Variants in ACBD6 observed in about 807,000 individuals in gnomAD.
ACBD6 encodes acyl-CoA-binding domain-containing protein 6.
A neutral mutation model predicts 37.2 loss-of-function variants in ACBD6; 28 were observed. The observed-to-expected ratio is 0.75, with a 90% CI of 0.56 to 1.03. The LOEUF (loss-of-function observed/expected upper bound fraction) is 1.03, where lower values mean the gene tolerates loss of function less well. Among genes scored for constraint, ACBD6 ranks in the 50% least tolerant of loss-of-function variants. ACBD6 has a pLI of 0.00. For missense variants in ACBD6, 340 were observed against 337.4 expected, an observed-to-expected ratio of 1.01 and a Z score of -0.06; for synonymous variants, 113 against 126.8, an observed-to-expected ratio of 0.89 and a Z score of 0.73.
chr1:180,325,206 T>C (rs1651208124), intron 6 of ACBD6, among the ~76,000 whole-genome samples: 1 of 152,168 alleles, frequency 6.6e-6, no homozygotes, highest in Admixed American at 6.5e-5. Flanking sequence ...TTTCTCGATC[T>C]CCTCCTTAAG....
chr1:180,296,302 T>C (rs1649915000), intron 7 of ACBD6, among the ~76,000 whole-genome samples: 1 of 152,148 alleles, frequency 6.6e-6, no homozygotes, highest in Non-Finnish European at 1.5e-5. Context: ...TGAAGGAAAG[T>C]TGTCTCCATA....
chr1:180,408,663 TATA>T (rs796372765), intron 5 of ACBD6, among the ~76,000 whole-genome samples: 17 of 151,946 alleles, frequency 1.1e-4, no homozygotes, highest in African/African-American at 3.9e-4. Flanking sequence ...AAACTTAAAG[TATA>T]ATAATAATAA....
chr1:180,275,821 G>A (rs549370365), intron 9 of ACBD6: 1 of 152,428 alleles, frequency 6.6e-6, no homozygotes, highest in South Asian at 2.1e-4. Context: ...CCCATGGTCA[G>A]AAAGCCAGAA....
chr1:180,297,946 T>C (rs1259894709), intron 7 of ACBD6, among the ~76,000 whole-genome samples: 1 of 152,192 alleles, frequency 6.6e-6, no homozygotes, highest in East Asian at 1.9e-4. Flanking sequence ...GGTTTCACCA[T>C]GTTGGCCAGG....
chr1:180,435,243 G>A (rs1440923383), intron 3 of ACBD6: 6 of 657,142 alleles, frequency 9.1e-6, no homozygotes, highest in East Asian at 3.1e-5. Flanking sequence ...CTGGCTGGCC[G>A]GCTACCAGAT....
intron 7 of ACBD6, among the ~76,000 whole-genome samples, chr1:180,288,783 C>A (rs1649585934): frequency 1.3e-5 from 2 of 151,980 alleles, no homozygotes; most frequent in African/African-American, 4.8e-5. Context: ...GGCTTTTGGG[C>A]TCTAGTCTTT....
At chr1:180,364,653 T>C (rs1348847274) in intron 6 of ACBD6, among the ~76,000 whole-genome samples, 2 of 152,128 alleles carry the variant, frequency 1.3e-5, no homozygotes, top group African/African-American at 4.8e-5. Flanking sequence ...GCTAGCTGGC[T>C]TAACCATCTT....
chr1:180,386,876 G>T (rs1433381359), intron 6 of ACBD6, among the ~76,000 whole-genome samples: 1 of 151,912 alleles, frequency 6.6e-6, no homozygotes, highest in Non-Finnish European at 1.5e-5. Context: ...TAAAATCTTT[G>T]TCAGATAATT....
chr1:180,270,938 G>A (rs1648610482), exon 14 of ACBD6: 1 of 264,424 alleles, frequency 3.8e-6, no homozygotes, highest in Non-Finnish European at 7.5e-6. Flanking sequence ...TGGGGAAATG[G>A]GAGACTCCTG....
chr1:180,318,669 G>A (rs986077899), intron 6 of ACBD6, among the ~76,000 whole-genome samples: 1 of 151,954 alleles, frequency 6.6e-6, no homozygotes, highest in African/African-American at 2.4e-5. Flanking sequence ...CACCTTCACC[G>A]CCACCCCAAC....
At chr1:180,451,062 C>A (rs899628316) in intron 3 of ACBD6, among the ~76,000 whole-genome samples, 1 of 152,066 alleles carries the variant, frequency 6.6e-6, no homozygotes, top group East Asian at 1.9e-4. Context: ...CCAATAAATT[C>A]ATTCTAATAA....
In ACBD6 at chr1:180,349,357, G is replaced by A. The variant is rs12098160; in HGVS notation, c.664-34635C>T. Among the ~76,000 whole-genome samples, 1,319 of 151,070 alleles carry A rather than the reference G, an allele frequency of 8.7e-3. 22 individuals carry two copies. The highest frequency in any genetic ancestry group is 0.03 in the African/African-American group (1,245 of 41,238). On this transcript the variant is annotated intron_variant, in intron 6 of 7. Transcript: ENST00000367595. ...TGCAAGCTCCGCCTCCCAGGTTCAC[G>A]CCATTCTCCTGCCTCAGCCTCCGGA... is the stretch of plus-strand genomic sequence containing the variant.
intron 4 of ACBD6, among the ~76,000 whole-genome samples, chr1:180,418,930 GT>G (rs1040446681): frequency 6.6e-6 from 1 of 152,168 alleles, no homozygotes; most frequent in African/African-American, 2.4e-5. Context: ...TTAATAAAGT[GT>G]TTTTTTGTGT....
chr1:180,375,119 CAA>C (rs1433779322), intron 6 of ACBD6, among the ~76,000 whole-genome samples: 1 of 152,012 alleles, frequency 6.6e-6, no homozygotes, highest in East Asian at 1.9e-4. Flanking sequence ...CTTCATATTT[CAA>C]AGAGTGCAAT....
At chr1:180,308,351 T>C (rs555260528) in intron 7 of ACBD6, among the ~76,000 whole-genome samples, 1 of 152,236 alleles carries the variant, frequency 6.6e-6, no homozygotes, top group Non-Finnish European at 1.5e-5. Context: ...TAATTTTGGA[T>C]TGTGAACAAT....
intron 9 of ACBD6, chr1:180,276,630 G>T (rs887423762): frequency 6.6e-6 from 1 of 152,194 alleles, no homozygotes; most frequent in Admixed American, 6.5e-5. Flanking sequence ...CGTCTTTTTG[G>T]AGGATGGCTT....
intron 3 of ACBD6, among the ~76,000 whole-genome samples, chr1:180,490,887 G>C (rs540041803): frequency 6.7e-6 from 1 of 149,936 alleles, no homozygotes; most frequent in Admixed American, 6.6e-5. Context: ...GAACCTGGGA[G>C]GTGGAGGTTA....
chr1:180,361,775 TTA>T (rs1475639346), intron 6 of ACBD6, among the ~76,000 whole-genome samples: 3 of 152,212 alleles, frequency 2.0e-5, no homozygotes, highest in African/African-American at 7.2e-5. Flanking sequence ...CCAGGGTTAT[TTA>T]TATGTTATAT....
intron 5 of ACBD6, among the ~76,000 whole-genome samples, chr1:180,401,727 G>T (rs1315946367): frequency 1.1e-4 from 17 of 150,506 alleles, no homozygotes; most frequent in Admixed American, 1.1e-3. Flanking sequence ...GGTGGAGGTT[G>T]CAGTGAGATG....
Sources: gnomAD v4.1 joint callset for allele counts (sites outside exome capture counted in the v4.1 genomes callset) on GRCh38, gnomAD v4.1.1 for gene constraint, MANE v1.5 for transcripts, NCBI Gene and HGNC (gene_info 2026-07-23, HGNC 2026-07-21) for gene names.